The following KIF9 variants were observed in gnomAD, a reference collection of about 807,000 sequenced individuals.
KIF9 encodes kinesin-like protein KIF9.
In KIF9, 68 loss-of-function variants were observed where a neutral mutation model predicts 94.8. That is an observed-to-expected ratio of 0.72 (90% CI 0.59 to 0.88). The LOEUF (loss-of-function observed/expected upper bound fraction) is 0.88, where lower values mean the gene tolerates loss of function less well. Among genes scored for constraint, KIF9 ranks in the 40% least tolerant of loss-of-function variants. The probability of loss-of-function intolerance (pLI) is 0.00; values close to 1 mark genes in which losing one functional copy is unlikely to be tolerated. For missense variants in KIF9, 882 were observed against 982.5 expected (o/e 0.90, Z 1.37); for synonymous variants, 343 against 362.1 (o/e 0.95, Z 0.60).
At chr3:47,247,506 AAGC>A (rs750883762) in intron 11 of KIF9, 29 bp from the exon 12 acceptor site, 3 of 1,540,572 alleles carry the variant, frequency 1.9e-6, no homozygotes, top group Non-Finnish European at 1.8e-6. Context: ...ACATGTGGAT[AAGC>A]AACAAGAACC....
At chr3:47,257,177 A>G (rs1186028302) in intron 10 of KIF9, among the ~76,000 whole-genome samples, 2 of 151,600 alleles carry the variant, frequency 1.3e-5, no homozygotes, top group Non-Finnish European at 2.9e-5. Context: ...AAAATTATTG[A>G]CTGGCAAAAA....
Position 47,264,307 on chromosome 3 carries a change from T to C in KIF9, c.960A>G (p.Glu320=). ...ATACCGTTTCTTCTAACTGGGCAGC[T>C]TCTCCATAGATGTTTGTCACGAGGA... ...NMVLVTNIYG[E]AAQLEETLSS... The change falls in exon 9 of 21, where the codon GAA becomes GAG. Residue 320 remains glutamate, a synonymous_variant. Coordinates refer to ENST00000684063, the MANE Select transcript of KIF9 (RefSeq NM_182902.4). 1 of 1,613,658 alleles carries C rather than the reference T, an allele frequency of 6.2e-7. No individual in the cohort carries two copies. The highest frequency in any genetic ancestry group is 1.7e-4 in the Middle Eastern group (1 of 6,060).
intron 10 of KIF9, among the ~76,000 whole-genome samples, chr3:47,254,535 T>C (rs1700454304): frequency 6.6e-6 from 1 of 152,168 alleles, no homozygotes; most frequent in Admixed American, 6.6e-5. Context: ...GGCTTGAACC[T>C]GGGAGGTAGA....
chr3:47,236,349 A>G (rs1381642643), intron 18 of KIF9, 94 bp downstream of exon 18: 5 of 1,395,090 alleles, frequency 3.6e-6, no homozygotes, highest in Non-Finnish European at 1.0e-6. Flanking sequence ...TCTGCCAGAG[A>G]GAAACTCTGA....
intron 17 of KIF9, chr3:47,239,704 C>T: frequency 8.4e-7 from 1 of 1,192,862 alleles, no homozygotes; most frequent in South Asian, 1.6e-5. Context: ...TTTCATGCCT[C>T]AGCCTCCCAA....
intron 20 of KIF9, among the ~76,000 whole-genome samples, chr3:47,232,991 A>C (rs188015413): frequency 4.0e-5 from 6 of 151,242 alleles, no homozygotes; most frequent in South Asian, 2.1e-4. Context: ...AAAAAAAAAA[A>C]AAAAACAAAA....
In KIF9 at chr3:47,236,467, G is replaced by A; in HGVS notation, c.2077C>T (p.Gln693Ter). ...CCCATGAGCAGGCGGTGGCGACACTGATCCACTAGGTGCTGGCAATACTGG... is the reference window on the plus strand; with the variant it reads ...CCCATGAGCAGGCGGTGGCGACACTAATCCACTAGGTGCTGGCAATACTGG... ...EIQYCQHLVD[Q>*]CRHRLLMEFD... The change falls in exon 18 of 21, where the codon CAG (glutamine) becomes TAG (stop). Residue 693 changes from glutamine to a stop codon, truncating the protein, a stop_gained. Coordinates refer to ENST00000684063, the MANE Select transcript of KIF9 (RefSeq NM_182902.4). LOFTEE classifies it high-confidence loss of function. 1 of 1,613,422 alleles carries A rather than the reference G, an allele frequency of 6.2e-7. No homozygotes were observed. Among genetic ancestry groups the A allele is most frequent in the Non-Finnish European group, 8.5e-7 (1 of 1,180,028 alleles).
intron 8 of KIF9, 56 bp downstream of exon 8, chr3:47,265,674 T>C (rs1701245091): frequency 6.3e-7 from 1 of 1,587,094 alleles, no homozygotes; most frequent in Non-Finnish European, 8.6e-7. Flanking sequence ...GTGCCAAACC[T>C]GTCCCTCCCC....
intron 1 of KIF9, among the ~76,000 whole-genome samples, chr3:47,280,588 T>C (rs1016885419): frequency 9.2e-5 from 14 of 152,140 alleles, no homozygotes; most frequent in Admixed American, 7.9e-4. Context: ...ACGCGTGTGG[T>C]CCCAATTTCC....
chr3:47,281,882 G>A (rs753474047), intron 1 of KIF9, among the ~76,000 whole-genome samples: 2 of 152,168 alleles, frequency 1.3e-5, no homozygotes, highest in Non-Finnish European at 2.9e-5. Flanking sequence ...GCACCAGGTG[G>A]GTCCCTATCT....
chr3:47,234,918 A>G (rs1033378132), intron 20 of KIF9, among the ~76,000 whole-genome samples: 1 of 152,236 alleles, frequency 6.6e-6, no homozygotes, highest in Admixed American at 6.5e-5. Context: ...GAGTATGTTA[A>G]TAAATAACTA....
At position 47,275,350 on chromosome 3, in the gene KIF9, A is replaced by C; in HGVS notation, c.234T>G (p.Val78=). The C allele has an allele frequency of 6.2e-7, 1 of 1,612,678 alleles. No individual in the cohort carries two copies. The highest frequency in any genetic ancestry group is 1.3e-5 in the African/African-American group (1 of 74,972). Reference sequence around the variant, plus strand: ...CATTATAGCCATCGAGGGCCTGAGAAACCACATCCTTTGCAACTGTCTCAT... The same window carrying C: ...CATTATAGCCATCGAGGGCCTGAGACACCACATCCTTTGCAACTGTCTCAT... ...LVYETVAKDV[V]SQALDGYNGT... Residue 78 remains valine (V), a synonymous_variant, in exon 3 of 21, where the codon GTT becomes GTG. Transcript: ENST00000684063.
intron 1 of KIF9, among the ~76,000 whole-genome samples, chr3:47,278,619 A>G (rs140378419): frequency 9.8e-4 from 149 of 152,264 alleles, no homozygotes; most frequent in African/African-American, 3.5e-3. Context: ...CCTTGAGGCC[A>G]GGAGTTTGAA....
At chr3:47,268,214 A>G (rs1188132725) in intron 5 of KIF9, among the ~76,000 whole-genome samples, 2 of 152,082 alleles carry the variant, frequency 1.3e-5, no homozygotes, top group Non-Finnish European at 2.9e-5. Context: ...CTTACCTCTA[A>G]TTTACAGGAG....
intron 1 of KIF9, among the ~76,000 whole-genome samples, chr3:47,279,627 T>C (rs187715405): frequency 6.6e-6 from 1 of 151,670 alleles, no homozygotes; most frequent in South Asian, 2.1e-4. Flanking sequence ...ATTTTATTTT[T>C]TTTTTTTGAG....
Position 47,275,411 on chromosome 3 carries a change from T to C in KIF9, c.173A>G (p.Asp58Gly), listed in dbSNP as rs918967234. 16 of 1,613,400 alleles carry C rather than the reference T, an allele frequency of 9.9e-6. No homozygotes were observed. Among genetic ancestry groups the C allele is most frequent in the Non-Finnish European group, 1.4e-5 (16 of 1,179,528 alleles). The change falls in exon 3 of 21, where the codon GAT becomes GGT. Residue 58 changes from aspartate (D) to glycine (G), a missense_variant. Asp to Gly is a moderately conservative substitution (Grantham distance 94, BLOSUM62 -1). Transcript: ENST00000684063. The part of the protein sequence containing the change: ...NQQTDWSFKL[D>G]GVLHDASQDL... ...CTGGGAGGCATCGTGAAGAACTCCA[T>C]CCAACTTAAACGACCAGTCTGTCTG...
intron 2 of KIF9, among the ~76,000 whole-genome samples, chr3:47,276,778 T>C (rs1297253788): frequency 2.0e-5 from 3 of 152,172 alleles, no homozygotes; most frequent in Non-Finnish European, 2.9e-5. Context: ...AGTAGGCCCA[T>C]AATTGTTTGC....
At chr3:47,239,506 T>C in intron 17 of KIF9, 1 of 1,032,358 alleles carries the variant, frequency 9.7e-7, no homozygotes, top group Non-Finnish European at 1.2e-6. Flanking sequence ...GAATAGCATG[T>C]CATAATTGGT....
rs567325248 is a variant in KIF9, at chr3:47,244,981, G to A, written c.1381-57C>T. ...GTTAGATTAAGGGCTTGGACCCCTTGGGGACCCACATGTATATGGCCCAAG... is the reference window on the plus strand; with the variant it reads ...GTTAGATTAAGGGCTTGGACCCCTTAGGGACCCACATGTATATGGCCCAAG... On this transcript the variant is annotated intron_variant, in intron 14 of 20. Coordinates refer to ENST00000684063, the MANE Select transcript of KIF9 (RefSeq NM_182902.4). 44 of 1,602,388 alleles carry A rather than the reference G, an allele frequency of 2.7e-5. No individual in the cohort carries two copies. In the African/African-American group the frequency reaches 5.2e-4, roughly 19 times the overall value.
Sources: allele counts gnomAD v4.1 joint callset (sites outside exome capture counted in the v4.1 genomes callset), GRCh38; gene constraint gnomAD v4.1.1; transcripts MANE v1.5; gene names NCBI Gene and HGNC (gene_info 2026-07-23, HGNC 2026-07-21).